Variants in TTLL8 observed in about 807,000 individuals in gnomAD.
TTLL8 encodes the protein tubulin tyrosine ligase like 8, also known as protein monoglycylase TTLL8.
Under a neutral mutation model 77.8 loss-of-function variants are expected in TTLL8, and 65 were observed. The ratio of observed to expected loss-of-function variants is 0.84; its 90% CI spans 0.68 to 1.03. The LOEUF (loss-of-function observed/expected upper bound fraction) is 1.03. Among genes scored for constraint, TTLL8 ranks in the 50% least tolerant of loss-of-function variants. The pLI is 0.00. For missense variants in TTLL8, 910 were observed against 1,004.5 expected, an observed-to-expected ratio of 0.91 and a Z score of 1.27; for synonymous variants, 402 against 422.8, an observed-to-expected ratio of 0.95 and a Z score of 0.60.
chr22:50,045,976 G>A lies in TTLL8; in HGVS notation c.394-6C>T, dbSNP rs17013078. Reference sequence around the variant, plus strand: ...ATGTTCACGCACAGCCCGATCTCCAGAGACAGTGGCGTGTTAGGCAGGAGG... The same window carrying A: ...ATGTTCACGCACAGCCCGATCTCCAAAGACAGTGGCGTGTTAGGCAGGAGG... On this transcript the variant is annotated splice_polypyrimidine_tract_variant and splice_region_variant and intron_variant, in intron 4 of 13. Coordinates refer to ENST00000266182, the Ensembl canonical transcript of TTLL8. The A allele has an allele frequency of 4.9e-3, 6,566 of 1,348,104 alleles. 284 individuals carry two copies. The African/African-American group carries it at 0.089, about 18-fold the overall frequency. 83.5% of individuals were successfully genotyped at this position (1,348,104 alleles called of 1,614,324 possible). A position where few individuals can be genotyped will look rare whatever the true frequency, so the allele number is the denominator to read the frequency against.
rs928530305 is a variant in TTLL8 at position 50,022,184 on chromosome 22, T to G, written c.2204-5622A>C. On this transcript the variant is annotated intron_variant, in intron 12 of 13. Transcript: ENST00000266182. ...ACGTGCACTCCTCCATCTGATGATG[T>G]GCACTCCTCCATCTGACGACGTGCA... 9.8e-5 allele frequency among the ~76,000 whole-genome samples: 14 copies of G among 142,846 alleles called. 1 individual carries two copies. The highest frequency in any genetic ancestry group is 3.6e-4 in the African/African-American group (14 of 38,996). The allele number at this position is 142,846 out of a possible 152,430, so 93.7% of individuals were successfully genotyped here.
intron 12 of TTLL8, among the ~76,000 whole-genome samples, chr22:50,026,197 A>C (rs953253281): frequency 6.6e-6 from 1 of 151,904 alleles, no homozygotes; most frequent in African/African-American, 2.4e-5. Context: ...TCACCGACAA[A>C]GGGTGCACAC....
At chr22:50,046,612 T>C (rs2061413544) in intron 4 of TTLL8, among the ~76,000 whole-genome samples, 1 of 152,222 alleles carries the variant, frequency 6.6e-6, no homozygotes, top group Admixed American at 6.5e-5. Flanking sequence ...AACCTTGTCC[T>C]GCACCTCCGC....
chr22:50,025,280 C>CA (rs111507174), intron 12 of TTLL8, among the ~76,000 whole-genome samples: 45,124 of 125,918 alleles, frequency 0.36, 8,258 homozygotes, highest in East Asian at 0.44. Context: ...GCAAAAACTC[C>CA]AAAAAAAAAA....
In TTLL8 at chr22:50,041,250, C is replaced by T. The variant is rs765616502; in HGVS notation, c.858G>A (p.Leu286=). The T allele has an allele frequency of 8.0e-6, 4 of 498,228 alleles. No individual in the cohort carries two copies. The highest frequency in any genetic ancestry group is 1.5e-5 in the South Asian group (1 of 64,874). The allele number at this position is 498,228 out of a possible 1,614,324, so 30.9% of individuals were successfully genotyped here. A position where few individuals can be genotyped will look rare whatever the true frequency, so the allele number is the denominator to read the frequency against. The change falls in exon 8 of 14, where the codon TTG becomes TTA. Residue 286 remains leucine, a synonymous_variant. Transcript: ENST00000266182. The surrounding 1 kb of genome is among the most constrained non-coding windows in gnomAD (Gnocchi z 4.3). ...TAACCTTCTGGATTTTGAAGATGCA[C>T]AAGACAATGCTACTCCCCAAAGGCA...
rs1000467628 is a variant in TTLL8, at chr22:50,030,293, G to A, written c.2203+137C>T. On this transcript the variant is annotated intron_variant, in intron 12 of 13. Transcript: ENST00000266182. ...CTCCCCGGCTCCCGCCGGCGCCTCCGTCAGGGGACACCCCGGGCCCCAGCA... is the reference window on the plus strand; with the variant it reads ...CTCCCCGGCTCCCGCCGGCGCCTCCATCAGGGGACACCCCGGGCCCCAGCA... The A allele has an allele frequency of 5.5e-6, 6 of 1,083,220 alleles. No individual in the cohort carries two copies. The South Asian group carries it at 6.5e-5, about 12-fold the overall frequency. 67.1% of individuals were successfully genotyped at this position (1,083,220 alleles called of 1,614,324 possible).
At chr22:50,042,832 C>A (rs1047242035) in intron 6 of TTLL8, among the ~76,000 whole-genome samples, 2 of 152,180 alleles carry the variant, frequency 1.3e-5, no homozygotes, top group Non-Finnish European at 2.9e-5. Flanking sequence ...AGAACCCTGA[C>A]CACATCAGAC....
At position 50,049,276 on chromosome 22, in the gene TTLL8, C is replaced by G. The variant is rs372214309; in HGVS notation, c.237G>C (p.Glu79Asp). 4.4e-4 allele frequency: 606 copies of G among 1,367,736 alleles called. 7 individuals are homozygous for G. In the South Asian group the frequency reaches 6.0e-3, roughly 14 times the overall value. The allele number at this position is 1,367,736 out of a possible 1,614,324, so 84.7% of individuals were successfully genotyped here. The stretch of plus-strand genomic sequence containing the variant: ...TCACGTCGTGGATGTTGTCTGTTTT[C>G]TCCAAAGCCATTTCTTGATTTTCTT... Residue 79 changes from glutamate (E) to aspartate (D), a missense_variant, in exon 3 of 14, where the codon GAG becomes GAC. Physicochemically the swap from Glu to Asp is conservative, Grantham distance 45. Transcript: ENST00000266182.
At chr22:50,052,963 A>T (rs1051367234) in intron 1 of TTLL8, among the ~76,000 whole-genome samples, 1 of 152,194 alleles carries the variant, frequency 6.6e-6, no homozygotes, top group Non-Finnish European at 1.5e-5. Flanking sequence ...GGGTCAAGTC[A>T]GTAATCCCAG....
chr22:50,058,101 G>C (rs1020737808), upstream of TTLL8, among the ~76,000 whole-genome samples: 1 of 151,842 alleles, frequency 6.6e-6, no homozygotes, highest in Non-Finnish European at 1.5e-5. The surrounding 1 kb of genome is among the most constrained non-coding windows in gnomAD (Gnocchi z 4.2). Flanking sequence ...GGTCCTGTCC[G>C]GGATCGGAAG....
chr22:50,028,084 G>A (rs1290831078), intron 12 of TTLL8, among the ~76,000 whole-genome samples: 1 of 152,250 alleles, frequency 6.6e-6, no homozygotes, highest in African/African-American at 2.4e-5. Flanking sequence ...AAAATGCCAG[G>A]TTGAATCAAC....
chr22:50,058,227 C>G (rs1279199089), upstream of TTLL8, among the ~76,000 whole-genome samples: 1 of 151,412 alleles, frequency 6.6e-6, no homozygotes, highest in Admixed American at 6.6e-5. This position sits in a 1 kb window ranked among gnomAD's most constrained non-coding sequence, Gnocchi z 4.2. Context: ...GCTGGGGCGG[C>G]CACGCGCATT....
chr22:50,050,886 G>A (rs780814523), intron 1 of TTLL8, among the ~76,000 whole-genome samples: 28 of 152,206 alleles, frequency 1.8e-4, no homozygotes, highest in Admixed American at 8.5e-4. Flanking sequence ...AAAAGGCCAA[G>A]AATTTCCTTT....
At chr22:50,045,744 C>T (rs2061406438) in intron 5 of TTLL8, 112 bp downstream of exon 7, 1 of 1,227,380 alleles carries the variant, frequency 8.1e-7, no homozygotes, top group Non-Finnish European at 1.0e-6. Flanking sequence ...AGGCCTCTCC[C>T]CGGTCCTCTA....
upstream of TTLL8, among the ~76,000 whole-genome samples, chr22:50,054,975 G>A (rs925839042): frequency 6.6e-6 from 1 of 152,140 alleles, no homozygotes. Flanking sequence ...CACAAGAATT[G>A]CTTGAACCCG....
intron 11 of TTLL8, 44 bp downstream of exon 12, chr22:50,031,642 A>G (rs2061293796): frequency 2.5e-6 from 3 of 1,223,498 alleles, no homozygotes; most frequent in East Asian, 5.6e-5. Flanking sequence ...AAGCATCCAC[A>G]TGGCGGGCGG....
intron 12 of TTLL8, among the ~76,000 whole-genome samples, chr22:50,028,150 G>C (rs1006374797): frequency 6.6e-6 from 1 of 152,242 alleles, no homozygotes; most frequent in Non-Finnish European, 1.5e-5. Context: ...TGGCAGCACC[G>C]GGCAGGAGGG....
At chr22:50,040,399 T>C (rs5771131) in intron 8 of TTLL8, among the ~76,000 whole-genome samples, 69,504 of 152,170 alleles carry the variant, frequency 0.46, 16,139 homozygotes, top group Non-Finnish European at 0.5. Flanking sequence ...ACAGATTTCA[T>C]GTTGGGCACA....
At chr22:50,031,829 G>T in exon 11 of TTLL8, 1 of 1,367,214 alleles carries the variant, frequency 7.3e-7, no homozygotes, top group African/African-American at 1.5e-5. Context: ...ATCTCGATCA[G>T]CCAGGGCCTG....
Sources: gnomAD v4.1 joint callset for allele counts (sites outside exome capture counted in the v4.1 genomes callset) on GRCh38, gnomAD v4.1.1 for gene constraint, Gnocchi (gnomAD v3.1) non-coding constraint, MANE v1.5 for transcripts, NCBI Gene and HGNC (gene_info 2026-07-23, HGNC 2026-07-21) for gene names.